Variants in NPHP1 observed in about 807,000 individuals in gnomAD.
NPHP1 encodes the protein nephrocystin 1.
Under a neutral mutation model 90.4 loss-of-function variants are expected in NPHP1, and 70 were observed. That is an observed-to-expected ratio of 0.77 (90% CI 0.64 to 0.95). NPHP1 has a LOEUF of 0.95. Ranked by LOEUF, NPHP1 falls within the 40% of genes least tolerant of loss-of-function variation. NPHP1 has a pLI of 0.00. For missense variants in NPHP1, 764 were observed against 795.9 expected (o/e 0.96, Z 0.48); for synonymous variants, 256 against 271.7 (o/e 0.94, Z 0.57).
intron 16 of NPHP1, among the ~76,000 whole-genome samples, chr2:110,138,781 G>A (rs966063363): frequency 1.3e-5 from 2 of 152,028 alleles, no homozygotes; most frequent in Admixed American, 6.6e-5. Context: ...GGAAAGGGGT[G>A]GGAACTTCCT....
intron 2 of NPHP1, chr2:110,184,835 TC>T: frequency 1.4e-6 from 1 of 706,366 alleles, no homozygotes. Flanking sequence ...GATTGGTCCT[TC>T]CCAATTCCGG....
chr2:110,136,571 C>T (rs1419501968), intron 16 of NPHP1, among the ~76,000 whole-genome samples: 1 of 152,066 alleles, frequency 6.6e-6, no homozygotes, highest in Admixed American at 6.6e-5. Context: ...CTCCCATTCA[C>T]AATTGCTACA....
chr2:110,124,555 C>A, intron 19 of NPHP1: 1 of 223,616 alleles, frequency 4.5e-6, no homozygotes, highest in Non-Finnish European at 9.0e-6. Flanking sequence ...TCGAGGGGTC[C>A]TTTGGTGATG....
intron 18 of NPHP1, 181 bp from the exon 19 acceptor site, chr2:110,125,862 C>A: frequency 1.6e-6 from 1 of 638,606 alleles, no homozygotes; most frequent in Non-Finnish European, 2.8e-6. Flanking sequence ...ACCAGAATGA[C>A]CAGGCAGATG....
chr2:110,126,208 C>G (rs1411878507), intron 18 of NPHP1: 1 of 164,748 alleles, frequency 6.1e-6, no homozygotes, highest in African/African-American at 2.4e-5. Context: ...ATTAGTCCCA[C>G]AGAAGTATGA....
chr2:110,136,495 G>C (rs947512752), intron 16 of NPHP1, among the ~76,000 whole-genome samples: 1 of 152,048 alleles, frequency 6.6e-6, no homozygotes, highest in African/African-American at 2.4e-5. Context: ...CAAAATCCAC[G>C]TGCAAAAATC....
chr2:110,181,696 A>C (rs1458939995), intron 2 of NPHP1, among the ~76,000 whole-genome samples: 1 of 152,188 alleles, frequency 6.6e-6, no homozygotes, highest in Non-Finnish European at 1.5e-5. Flanking sequence ...ATTGACACAA[A>C]ATGCTGAAAA....
At chr2:110,184,374 C>T in intron 2 of NPHP1, 1 of 611,746 alleles carries the variant, frequency 1.6e-6, no homozygotes, top group Non-Finnish European at 3.1e-6. Context: ...AGAGGAGCAT[C>T]TCGTGCTCCT....
chr2:110,136,447 C>T (rs541813585), intron 16 of NPHP1, among the ~76,000 whole-genome samples: 2 of 152,250 alleles, frequency 1.3e-5, no homozygotes, highest in East Asian at 1.9e-4. Flanking sequence ...CCAAAATCTC[C>T]TTAAGCTGAT....
intron 11 of NPHP1, among the ~76,000 whole-genome samples, chr2:110,157,680 G>T (rs138225168): frequency 6.6e-6 from 1 of 151,946 alleles, no homozygotes. Flanking sequence ...ACCAAGCTTC[G>T]TTGATTTTTA....
chr2:110,204,404 TA>T (rs1685783555), intron 1 of NPHP1, among the ~76,000 whole-genome samples: 1 of 152,194 alleles, frequency 6.6e-6, no homozygotes, highest in Non-Finnish European at 1.5e-5. Context: ...TATCAGATCT[TA>T]ATGTTCTTGC....
intron 11 of NPHP1, among the ~76,000 whole-genome samples, chr2:110,157,649 C>G (rs1056301633): frequency 3.3e-5 from 5 of 152,112 alleles, no homozygotes; most frequent in African/African-American, 1.2e-4. Context: ...CTCCTCCTCT[C>G]TCCTCCATAT....
At chr2:110,133,483 G>C (rs1434833181) in intron 16 of NPHP1, among the ~76,000 whole-genome samples, 1 of 151,952 alleles carries the variant, frequency 6.6e-6, no homozygotes, top group Non-Finnish European at 1.5e-5. Context: ...CTTTCGATAA[G>C]GTATAGAACA....
intron 18 of NPHP1, chr2:110,128,734 T>A: frequency 4.8e-6 from 1 of 209,478 alleles, no homozygotes; most frequent in Non-Finnish European, 9.7e-6. Flanking sequence ...AAACTGCCAC[T>A]TAGGCCAAAA....
intron 4 of NPHP1, among the ~76,000 whole-genome samples, chr2:110,174,577 T>G (rs1240956040): frequency 2.0e-5 from 3 of 152,166 alleles, no homozygotes; most frequent in Non-Finnish European, 4.4e-5. Flanking sequence ...ACATGCAGAT[T>G]CTGTATTTAT....
chr2:110,157,199 T>C (rs1194380355), intron 11 of NPHP1, among the ~76,000 whole-genome samples: 1 of 152,190 alleles, frequency 6.6e-6, no homozygotes, highest in African/African-American at 2.4e-5. Context: ...TCACATAAAT[T>C]TCTTTCATAA....
At chr2:110,185,350 G>C (rs1218416696) in intron 2 of NPHP1, among the ~76,000 whole-genome samples, 2 of 152,190 alleles carry the variant, frequency 1.3e-5, no homozygotes, top group Non-Finnish European at 2.9e-5. Flanking sequence ...GGTCCAGAAA[G>C]GATGAGGAAC....
rs1679125426 is a variant in NPHP1, at chr2:110,123,512, T to A, written c.*279A>T. 10 of 279,648 alleles carry A rather than the reference T, an allele frequency of 3.6e-5. No individual in the cohort carries two copies. The South Asian group carries it at 8.2e-4, about 23-fold the overall frequency. 17.3% of individuals were successfully genotyped at this position (279,648 alleles called of 1,614,324 possible). A position where few individuals can be genotyped will look rare whatever the true frequency, so the allele number is the denominator to read the frequency against. On this transcript the variant is annotated 3_prime_UTR_variant, in exon 20 of 20. Transcript: ENST00000445609. ...TTAGTTTTTGACAAAATCTTGCTTTTATAGAAATCTATACCATTAACTTAA... is the reference window on the plus strand; with the variant it reads ...TTAGTTTTTGACAAAATCTTGCTTTAATAGAAATCTATACCATTAACTTAA...
intron 2 of NPHP1, among the ~76,000 whole-genome samples, chr2:110,195,120 C>G (rs2104688094): frequency 6.6e-6 from 1 of 152,154 alleles, no homozygotes; most frequent in Non-Finnish European, 1.5e-5. Flanking sequence ...CCCTCTCTCA[C>G]CACTCCTATT....
Sources: allele counts gnomAD v4.1 joint callset (sites outside exome capture counted in the v4.1 genomes callset), GRCh38; gene constraint gnomAD v4.1.1; transcripts MANE v1.5; gene names NCBI Gene and HGNC (gene_info 2026-07-23, HGNC 2026-07-21).